ASB3: variants seen among roughly 807,000 people sequenced by gnomAD.
The protein encoded by ASB3 is ankyrin repeat and SOCS box containing 3.
A neutral mutation model predicts 54.5 loss-of-function variants in ASB3; 41 were observed. The observed-to-expected ratio is 0.75, with a 90% CI of 0.59 to 0.98. The LOEUF (loss-of-function observed/expected upper bound fraction) is 0.98. Ranked by LOEUF, ASB3 falls within the 50% of genes least tolerant of loss-of-function variation. The pLI is 0.00. For synonymous variants in ASB3, 266 were observed against 221.2 expected (o/e 1.20, Z -1.80); for missense variants, 733 against 620.0 (o/e 1.18, Z -1.94).
At chr2:53,706,095 G>C (rs1022232563) in intron 7 of ASB3, among the ~76,000 whole-genome samples, 4 of 152,032 alleles carry the variant, frequency 2.6e-5, no homozygotes, top group African/African-American at 9.7e-5. Flanking sequence ...ATTTTCTAAA[G>C]CAAGCTTAGG....
chr2:53,721,748 T>C lies in ASB3; in HGVS notation c.605-5005A>G, dbSNP rs1287268681. ...TAAACATCTAGCTCAGAAAGAAAGATCTCAAATTAATGATCCAATATCACA... is the reference window on the plus strand; with the variant it reads ...TAAACATCTAGCTCAGAAAGAAAGACCTCAAATTAATGATCCAATATCACA... On this transcript the variant is annotated intron_variant, in intron 5 of 9. Coordinates refer to ENST00000263634, the MANE Select transcript of ASB3 (RefSeq NM_016115.5). 4.0e-5 allele frequency among the ~76,000 whole-genome samples: 6 copies of C among 151,732 alleles called. No homozygotes were observed. The East Asian group carries it at 1.2e-3, about 29-fold the overall frequency.
intron 5 of ASB3, among the ~76,000 whole-genome samples, chr2:53,721,098 C>T (rs2103867527): frequency 6.7e-6 from 1 of 149,756 alleles, no homozygotes; most frequent in East Asian, 2.0e-4. Flanking sequence ...AGTCTGGGTA[C>T]AGAGCAAGAC....
At chr2:53,752,792 G>T (rs1572968960) in intron 2 of ASB3, among the ~76,000 whole-genome samples, 1 of 152,178 alleles carries the variant, frequency 6.6e-6, no homozygotes, top group East Asian at 1.9e-4. Context: ...ATGTGCTCCT[G>T]GTACAAATGC....
intron 3 of ASB3, among the ~76,000 whole-genome samples, chr2:53,741,171 T>C (rs576427062): frequency 6.6e-6 from 1 of 152,346 alleles, no homozygotes; most frequent in East Asian, 1.9e-4. Flanking sequence ...GAGTCCTATT[T>C]ATGTAGGAGC....
intron 2 of ASB3, among the ~76,000 whole-genome samples, chr2:53,763,813 A>G (rs1673285246): frequency 6.6e-6 from 1 of 152,238 alleles, no homozygotes; most frequent in South Asian, 2.1e-4. Flanking sequence ...TGGGAACTCA[A>G]GCTTTATAGT....
At chr2:53,710,029 G>A (rs1670002119) in intron 7 of ASB3, among the ~76,000 whole-genome samples, 1 of 152,184 alleles carries the variant, frequency 6.6e-6, no homozygotes, top group South Asian at 2.1e-4. Context: ...AGCCTCTGTG[G>A]AAGTTGATCC....
intron 9 of ASB3, among the ~76,000 whole-genome samples, chr2:53,683,171 T>C (rs936851336): frequency 6.6e-6 from 1 of 152,220 alleles, no homozygotes. Flanking sequence ...GGTTTTGTCA[T>C]GAAGAGATGT....
At chr2:53,703,036 A>ATAACAATGATAC (rs1419070907) in intron 7 of ASB3, among the ~76,000 whole-genome samples, 2 of 152,210 alleles carry the variant, frequency 1.3e-5, no homozygotes, top group Non-Finnish European at 2.9e-5. Context: ...AACTAATGTA[A>ATAACAATGATAC]TAACAATGAT....
rs186972776 is a variant in ASB3, at chr2:53,765,047, C to T, written c.196+330G>A. ...CTCAATTTCAGTACAATTGCTCTTT[C>T]TGTTTGGTAAAGGAAGAAAGAATAA... On this transcript the variant is annotated intron_variant, in intron 2 of 9. Coordinates refer to ENST00000263634, the MANE Select transcript of ASB3 (RefSeq NM_016115.5). 7.2e-5 allele frequency among the ~76,000 whole-genome samples: 11 copies of T among 152,310 alleles called. No homozygotes were observed. The East Asian group carries it at 1.9e-3, about 27-fold the overall frequency.
chr2:53,712,412 T>C (rs1670151747), intron 7 of ASB3, among the ~76,000 whole-genome samples: 1 of 152,184 alleles, frequency 6.6e-6, no homozygotes, highest in Admixed American at 6.5e-5. Context: ...TTAGTGTTAC[T>C]GACTGATTTT....
intron 4 of ASB3, 110 bp from the exon 5 acceptor site, chr2:53,728,957 T>A (rs2103905270): frequency 1.5e-6 from 2 of 1,299,452 alleles, no homozygotes; most frequent in East Asian, 5.0e-5. Context: ...AAAGGATAAC[T>A]TGAAGGAAAA....
Position 53,716,735 on chromosome 2 carries a change from C to A in ASB3, c.613G>T (p.Val205Phe). ...LSILISSGANVNCQALDKATP... is the reference protein window; with the variant it reads ...LSILISSGANFNCQALDKATP... ...GCTTTGTCCAAGGCTTGACAATTGACATTTGCACCTAAGGGTACAAAATAA... is the reference window on the plus strand; with the variant it reads ...GCTTTGTCCAAGGCTTGACAATTGAAATTTGCACCTAAGGGTACAAAATAA... Residue 205 changes from valine to phenylalanine, a missense_variant, in exon 6 of 10, where the codon GTC becomes TTC. By Grantham distance (50) the Val-to-Phe change is conservative (BLOSUM62 -1). Coordinates refer to ENST00000263634, the MANE Select transcript of ASB3 (RefSeq NM_016115.5). 6.2e-7 allele frequency: 1 copy of A among 1,612,222 alleles called. No homozygotes were observed. The highest frequency in any genetic ancestry group is 8.5e-7 in the Non-Finnish European group (1 of 1,178,740).
In ASB3 at chr2:53,765,571, ATT is replaced by A. The variant is rs763365054; in HGVS notation, c.-1_1del. On this transcript the variant is annotated start_lost and start_retained_variant and 5_prime_UTR_variant, in exon 2 of 10. Transcript: ENST00000263634. ...GTCCGCGTAAGCCTCTGTAAAATCCATTTGTTTGACCAGTCTACAAAACAAGG... is the reference window on the plus strand; with the variant it reads ...GTCCGCGTAAGCCTCTGTAAAATCCATGTTTGACCAGTCTACAAAACAAGG... 1.1e-5 allele frequency: 17 copies of A among 1,614,172 alleles called. No homozygotes were observed. The African/African-American group carries it at 2.0e-4, about 19-fold the overall frequency.
chr2:53,782,055 T>C (rs1481294819), intron 1 of ASB3, among the ~76,000 whole-genome samples: 1 of 152,134 alleles, frequency 6.6e-6, no homozygotes, highest in Non-Finnish European at 1.5e-5. Context: ...ACACCTGTAG[T>C]CCCAGCTACT....
intron 1 of ASB3, chr2:53,774,652 T>A: frequency 3.0e-6 from 2 of 666,394 alleles, no homozygotes; most frequent in Non-Finnish European, 4.6e-6. Context: ...GGAAATGTCC[T>A]GAAACACATA....
chr2:53,734,220 C>G (rs896621943), intron 3 of ASB3, among the ~76,000 whole-genome samples: 1 of 152,140 alleles, frequency 6.6e-6, no homozygotes, highest in African/African-American at 2.4e-5. Flanking sequence ...GGGCCTGTTC[C>G]CAACACTCCA....
rs368309853 is a variant in ASB3, at chr2:53,768,029, G to C, written c.-13-2444C>G. On this transcript the variant is annotated intron_variant, in intron 1 of 9. Transcript: ENST00000263634. Reference sequence around the variant, plus strand: ...CGCGGGGTCCCCGGCAAGGTGAGGCGCCGGTCAGCTCCCCACACTTACTGC... The same window carrying C: ...CGCGGGGTCCCCGGCAAGGTGAGGCCCCGGTCAGCTCCCCACACTTACTGC... 2.5e-6 allele frequency: 4 copies of C among 1,612,330 alleles called. No homozygotes were observed. The African/African-American group carries it at 5.3e-5, about 22-fold the overall frequency.
intron 1 of ASB3, 97 bp from the exon 2 acceptor site, chr2:53,765,682 A>G (rs1673404583): frequency 7.1e-7 from 1 of 1,401,084 alleles, no homozygotes; most frequent in Admixed American, 2.1e-5. Flanking sequence ...AGTATCTCTC[A>G]CATGACTGAC....
At chr2:53,701,854 A>G (rs1375924143) in intron 7 of ASB3, among the ~76,000 whole-genome samples, 1 of 152,224 alleles carries the variant, frequency 6.6e-6, no homozygotes, top group Non-Finnish European at 1.5e-5. Context: ...CACAAGAACA[A>G]TGGTATATAT....
Sources: allele counts gnomAD v4.1 joint callset (sites outside exome capture counted in the v4.1 genomes callset), GRCh38; gene constraint gnomAD v4.1.1; transcripts MANE v1.5; gene names NCBI Gene and HGNC (gene_info 2026-07-23, HGNC 2026-07-21).